The following CPSF3 variants were observed in gnomAD, a reference collection of about 807,000 sequenced individuals.
CPSF3 encodes the protein cleavage and polyadenylation specificity factor subunit 3.
CPSF3 carries 57 observed loss-of-function variants against 84.1 expected under a neutral mutation model. The ratio of observed to expected loss-of-function variants is 0.68; its 90% confidence interval spans 0.55 to 0.85. The LOEUF (loss-of-function observed/expected upper bound fraction) is 0.85. Ranked by LOEUF, CPSF3 falls within the 40% of genes least tolerant of loss-of-function variation. CPSF3 has a pLI of 0.00. For missense variants in CPSF3, 522 were observed against 838.8 expected (o/e 0.62, Z 4.66); for synonymous variants, 275 against 278.1 (o/e 0.99, Z 0.11).
intron 15 of CPSF3, among the ~76,000 whole-genome samples, chr2:9,465,059 G>C (rs1293253873): frequency 6.6e-6 from 1 of 152,180 alleles, no homozygotes; most frequent in African/African-American, 2.4e-5. Context: ...AGAATTAGAT[G>C]AAGTATGGTT....
chr2:9,429,729 T>C (rs1240070535), intron 2 of CPSF3, among the ~76,000 whole-genome samples, 194 bp from the exon 3 acceptor site: 1 of 152,252 alleles, frequency 6.6e-6, no homozygotes, highest in African/African-American at 2.4e-5. Context: ...ATGTGAGCTA[T>C]ATTTTAAATT....
chr2:9,459,434 C>CATATGTACA lies in CPSF3; in HGVS notation c.1699-96_1699-88dup, dbSNP rs903409667. On this transcript the variant is annotated intron_variant, in intron 14 of 17. Transcript: ENST00000238112. ...TTGAAAATGCTAGAAGCAGTAGTTC[C>CATATGTACA]ATATGTACAGTCCATGGTTTGGTGG... 8.0e-5 allele frequency: 61 copies of CATATGTACA among 765,730 alleles called. 1 individual carries two copies. In the Admixed American group the frequency reaches 1.1e-3, roughly 14 times the overall value. The allele number at this position is 765,730 out of a possible 1,614,324, so 47.4% of individuals were successfully genotyped here. A position where few individuals can be genotyped will look rare whatever the true frequency, so the allele number is the denominator to read the frequency against.
intron 10 of CPSF3, among the ~76,000 whole-genome samples, chr2:9,447,876 A>G (rs930857767): frequency 6.6e-6 from 1 of 152,244 alleles, no homozygotes. Context: ...AGAAGAGACT[A>G]CAGAAGTCAG....
chr2:9,471,607 T>C (rs1487849103), intron 17 of CPSF3, among the ~76,000 whole-genome samples, 168 bp downstream of exon 17: 1 of 152,194 alleles, frequency 6.6e-6, no homozygotes, highest in Non-Finnish European at 1.5e-5. Context: ...TGGTTGAAGT[T>C]TTCCGTGTTT....
At chr2:9,453,090 C>A in intron 12 of CPSF3, 69 bp downstream of exon 12, 1 of 952,668 alleles carries the variant, frequency 1.0e-6, no homozygotes, top group South Asian at 1.7e-5. Context: ...GAAAACTTCT[C>A]TTCACCTTGT....
In CPSF3 at chr2:9,432,758, TA is replaced by T. The variant is rs139676758; in HGVS notation, c.519+81del. 0.025 allele frequency: 27,897 copies of T among 1,114,326 alleles called. 2,399 individuals are homozygous for T. In the African/African-American group the frequency reaches 0.28, roughly 11 times the overall value. The allele number at this position is 1,114,326 out of a possible 1,614,324, so 69.0% of individuals were successfully genotyped here. A position where few individuals can be genotyped will look rare whatever the true frequency, so the allele number is the denominator to read the frequency against. ...AGAGCTTTGTGCCACCAAGTACTAT[TA>T]AAAAAAAAAATTCCCTAAGACTTGC... On this transcript the variant is annotated intron_variant, in intron 5 of 17. Coordinates refer to ENST00000238112, the MANE Select transcript of CPSF3 (RefSeq NM_016207.4).
At chr2:9,446,688 C>T (rs1305092908) in intron 10 of CPSF3, among the ~76,000 whole-genome samples, 1 of 151,622 alleles carries the variant, frequency 6.6e-6, no homozygotes, top group South Asian at 2.1e-4. Context: ...ACCCTCGAGG[C>T]AGAGGCTGCA....
intron 4 of CPSF3, among the ~76,000 whole-genome samples, 166 bp from the exon 5 acceptor site, chr2:9,432,345 A>G (rs1572769231): frequency 3.6e-5 from 1 of 27,668 alleles, no homozygotes; most frequent in South Asian, 6.7e-4. Flanking sequence ...ACAATAGAGT[A>G]AAAAAAAAAT....
chr2:9,442,363 A>G (rs548420618), intron 9 of CPSF3, among the ~76,000 whole-genome samples: 1 of 152,338 alleles, frequency 6.6e-6, no homozygotes, highest in Middle Eastern at 3.4e-3. Flanking sequence ...TACTATTATG[A>G]AACATTGATT....
chr2:9,459,039 G>A (rs1164534012), intron 14 of CPSF3, among the ~76,000 whole-genome samples: 1 of 151,728 alleles, frequency 6.6e-6, no homozygotes, highest in Non-Finnish European at 1.5e-5. Context: ...TTGAACCTGG[G>A]AGGCAGAGGT....
intron 15 of CPSF3, 101 bp downstream of exon 15, chr2:9,459,719 A>C: frequency 1.8e-6 from 1 of 564,446 alleles, no homozygotes; most frequent in Non-Finnish European, 2.9e-6. Context: ...GCACGATCTC[A>C]GCTCACTGCA....
intron 15 of CPSF3, among the ~76,000 whole-genome samples, chr2:9,459,902 C>T (rs1681679065): frequency 6.6e-6 from 1 of 151,896 alleles, no homozygotes; most frequent in Non-Finnish European, 1.5e-5. Flanking sequence ...CCCGCCTCAG[C>T]CTTCCAAAGT....
chr2:9,440,776 G>C, intron 8 of CPSF3, 110 bp downstream of exon 8: 1 of 1,082,722 alleles, frequency 9.2e-7, no homozygotes, highest in Non-Finnish European at 1.4e-6. Context: ...AGCACTTTGG[G>C]AGTCTAAGGC....
At chr2:9,471,764 C>T (rs560941799) in intron 17 of CPSF3, among the ~76,000 whole-genome samples, 47 of 151,768 alleles carry the variant, frequency 3.1e-4, no homozygotes, top group East Asian at 9.7e-4. Flanking sequence ...CTTCTGTTTG[C>T]ACCAGCAAGA....
chr2:9,429,568 C>T (rs1472500308), intron 2 of CPSF3, among the ~76,000 whole-genome samples: 1 of 152,138 alleles, frequency 6.6e-6, no homozygotes, highest in Non-Finnish European at 1.5e-5. Flanking sequence ...TATCTTCTCA[C>T]GAGAGTCGAT....
intron 15 of CPSF3, among the ~76,000 whole-genome samples, chr2:9,466,390 GCGCACACACA>G (rs1364426189): frequency 4.0e-5 from 3 of 75,702 alleles, no homozygotes; most frequent in South Asian, 5.1e-4. Context: ...TCGCACACAC[GCGCACACACA>G]CGCACGCGCA....
At chr2:9,458,120 C>T (rs1290670338) in intron 14 of CPSF3, among the ~76,000 whole-genome samples, 1 of 152,142 alleles carries the variant, frequency 6.6e-6, no homozygotes, top group African/African-American at 2.4e-5. Flanking sequence ...AAGAAAGTGT[C>T]AGGCCAGGCC....
intron 7 of CPSF3, among the ~76,000 whole-genome samples, chr2:9,436,712 A>G (rs1384234754): frequency 6.6e-6 from 1 of 151,682 alleles, no homozygotes; most frequent in Non-Finnish European, 1.5e-5. Context: ...TGGAGGTTGT[A>G]GTGAGCCGAG....
At chr2:9,424,666 C>T (rs1424778692) in intron 1 of CPSF3, 1 of 152,246 alleles carries the variant, frequency 6.6e-6, no homozygotes, top group African/African-American at 2.4e-5. Flanking sequence ...TTTCCTTCTG[C>T]TTAGTTCACA....
Sources: allele counts gnomAD v4.1 joint callset (sites outside exome capture counted in the v4.1 genomes callset), GRCh38; gene constraint gnomAD v4.1.1; transcripts MANE v1.5; gene names NCBI Gene and HGNC (gene_info 2026-07-23, HGNC 2026-07-21).